Variants in GUCY1B1 observed in about 807,000 individuals in gnomAD.
GUCY1B1 encodes guanylate cyclase 1 soluble subunit beta 1, also known as guanylate cyclase soluble subunit beta-1.
GUCY1B1 carries 43 observed loss-of-function variants against 71.0 expected under a neutral mutation model. The ratio of observed to expected loss-of-function variants is 0.61; its 90% CI spans 0.47 to 0.78. GUCY1B1 has a LOEUF of 0.78. Ranked by LOEUF, GUCY1B1 falls within the 30% of genes least tolerant of loss-of-function variation. The probability of loss-of-function intolerance (pLI) is 0.00; values close to 1 mark genes in which losing one functional copy is unlikely to be tolerated. For synonymous variants in GUCY1B1, 266 were observed against 259.7 expected (o/e 1.02, Z -0.23); for missense variants, 535 against 754.1 (o/e 0.71, Z 3.40).
Position 155,794,082 on chromosome 4 carries a change from C to T in GUCY1B1, c.722C>T (p.Pro241Leu), listed in dbSNP as rs1192327186. The change falls in exon 6 of 14, where the codon CCC (proline) becomes CTC (leucine). Residue 241 changes from proline (P) to leucine (L), a missense_variant. Transcript: ENST00000264424. ...GGCAATGCTATATACAGAGTTCTCC[C>T]CCAGGTAAAATGACAGCATACTTCC... ...QCGNAIYRVL[P>L]QLQPGNCSLL... The T allele has an allele frequency of 9.6e-6, 15 of 1,564,800 alleles. No homozygotes were observed. In the Admixed American group the frequency reaches 2.2e-4, roughly 23 times the overall value.
At chr4:155,777,074 C>T (rs372028601) in intron 3 of GUCY1B1, among the ~76,000 whole-genome samples, 5 of 152,158 alleles carry the variant, frequency 3.3e-5, no homozygotes, top group East Asian at 1.9e-4. Flanking sequence ...TCATGTACAC[C>T]TTATAGACAT....
At chr4:155,800,886 G>T (rs550258327) in intron 9 of GUCY1B1, among the ~76,000 whole-genome samples, 2 of 152,022 alleles carry the variant, frequency 1.3e-5, no homozygotes, top group Non-Finnish European at 2.9e-5. Flanking sequence ...AAGTCACATG[G>T]GTTTGTAGGT....
chr4:155,772,715 C>T, intron 2 of GUCY1B1: 1 of 702,478 alleles, frequency 1.4e-6, no homozygotes, highest in Non-Finnish European at 2.6e-6. Context: ...CCAACCTGCC[C>T]AGCCAGAAAA....
At position 155,805,207 on chromosome 4, in the gene GUCY1B1, C is replaced by A; in HGVS notation, c.1814C>A (p.Ser605Tyr). The A allele has an allele frequency of 6.2e-7, 1 of 1,610,062 alleles. No homozygotes were observed. Among genetic ancestry groups the A allele is most frequent in the Non-Finnish European group, 8.5e-7 (1 of 1,177,666 alleles). ...KKEPMQVWFL[S>Y]RKNTGTEETK... ...GAACCAATGCAAGTTTGGTTTCTAT[C>A]CAGAAAAAATACAGGAACAGAGGTA... Residue 605 changes from serine to tyrosine, a missense_variant, in exon 13 of 14, where the codon TCC becomes TAC. Ser to Tyr is a moderately radical substitution (Grantham distance 144). Transcript: ENST00000264424.
intron 5 of GUCY1B1, 43 bp from the exon 6 acceptor site, chr4:155,793,813 T>A (rs1358832894): frequency 1.2e-6 from 1 of 854,322 alleles, no homozygotes; most frequent in Admixed American, 2.0e-5. Flanking sequence ...TTTATTAAAC[T>A]GAAATGAAGA....
chr4:155,766,967 G>A (rs1737376894), intron 2 of GUCY1B1, among the ~76,000 whole-genome samples: 1 of 152,124 alleles, frequency 6.6e-6, no homozygotes, highest in Admixed American at 6.6e-5. Context: ...CATTATCTCA[G>A]TTAATCCTCA....
intron 4 of GUCY1B1, among the ~76,000 whole-genome samples, chr4:155,789,454 C>A (rs1739010956): frequency 6.6e-6 from 1 of 152,108 alleles, no homozygotes; most frequent in Non-Finnish European, 1.5e-5. Flanking sequence ...CCTTTTTAAT[C>A]CCACTTGTTT....
intron 2 of GUCY1B1, among the ~76,000 whole-genome samples, chr4:155,761,696 ACT>A (rs1465815216): frequency 6.6e-6 from 1 of 152,218 alleles, no homozygotes; most frequent in Non-Finnish European, 1.5e-5. Context: ...CGAGAATTTA[ACT>A]CTGCAAAATC....
chr4:155,764,856 T>C (rs1385852418), intron 2 of GUCY1B1, among the ~76,000 whole-genome samples: 1 of 152,208 alleles, frequency 6.6e-6, no homozygotes, highest in Non-Finnish European at 1.5e-5. Flanking sequence ...CTGGACCATG[T>C]CTGTGAGCAG....
At position 155,807,392 on chromosome 4, in the gene GUCY1B1, A is replaced by C. The variant is rs1308665533; in HGVS notation, c.*983A>C. 1 of 152,172 alleles carries C rather than the reference A, an allele frequency of 6.6e-6. No individual in the cohort carries two copies. Among genetic ancestry groups the C allele is most frequent in the Non-Finnish European group, 1.5e-5 (1 of 68,020 alleles). The allele number at this position is 152,172 out of a possible 1,614,324, so 9.4% of individuals were successfully genotyped here. ...GTTTACTTTCAGCATAGAATGCATT[A>C]CTGTTGGAATAATTGGCCTCTAGCT... On this transcript the variant is annotated 3_prime_UTR_variant, in exon 14 of 14. Transcript: ENST00000264424.
chr4:155,767,153 A>T lies in GUCY1B1; in HGVS notation c.77+7293A>T, dbSNP rs111469955. 8.9e-3 allele frequency among the ~76,000 whole-genome samples: 1,349 copies of T among 152,276 alleles called. 23 individuals carry two copies. The highest frequency in any genetic ancestry group is 0.031 in the African/African-American group (1,290 of 41,556). ...TTTTCCTCCAAAGAGAAAGACCTAT[A>T]ACCTTCTTCTTTCCAAAGACAACCA... On this transcript the variant is annotated intron_variant, in intron 2 of 13. Coordinates refer to ENST00000264424, the MANE Select transcript of GUCY1B1 (RefSeq NM_000857.5).
At chr4:155,783,513 C>T (rs1738572302) in intron 4 of GUCY1B1, among the ~76,000 whole-genome samples, 1 of 152,226 alleles carries the variant, frequency 6.6e-6, no homozygotes, top group Non-Finnish European at 1.5e-5. Context: ...GCTTCTTCAA[C>T]TAACCTTGAT....
chr4:155,802,575 A>G lies in GUCY1B1; in HGVS notation c.1409A>G (p.Tyr470Cys). 1 of 1,588,832 alleles carries G rather than the reference A, an allele frequency of 6.3e-7. No homozygotes were observed. Among genetic ancestry groups the G allele is most frequent in the Non-Finnish European group, 8.6e-7 (1 of 1,168,006 alleles). The change falls in exon 10 of 14, where the codon TAT (tyrosine) becomes TGT (cysteine). Residue 470 changes from tyrosine to cysteine, a missense_variant. Coordinates refer to ENST00000264424, the MANE Select transcript of GUCY1B1 (RefSeq NM_000857.5). This position sits in a 1 kb window ranked among gnomAD's most constrained non-coding sequence, Gnocchi z 4.3. ...LTDSRKNPFVYKVETVGDKYM... is the reference protein window; with the variant it reads ...LTDSRKNPFVCKVETVGDKYM... ...GATTCCCGGAAAAACCCATTTGTTT[A>G]TAAGGCAAGTGTTCTTTATCGCTGA... is the stretch of plus-strand genomic sequence containing the variant.
At chr4:155,774,206 C>T (rs187397719) in intron 2 of GUCY1B1, among the ~76,000 whole-genome samples, 4 of 152,312 alleles carry the variant, frequency 2.6e-5, no homozygotes, top group Admixed American at 2.0e-4. Flanking sequence ...ACTGTAGCCT[C>T]ATGTTACCTC....
At chr4:155,797,946 T>G (rs1196993881) in intron 8 of GUCY1B1, among the ~76,000 whole-genome samples, 1 of 152,110 alleles carries the variant, frequency 6.6e-6, no homozygotes, top group Non-Finnish European at 1.5e-5. Context: ...TAAGCTACAT[T>G]GATCTAAAGA....
chr4:155,773,938 C>T (rs1737861588), intron 2 of GUCY1B1, among the ~76,000 whole-genome samples: 1 of 152,104 alleles, frequency 6.6e-6, no homozygotes, highest in Non-Finnish European at 1.5e-5. Context: ...CTGTCAGTCC[C>T]CGCCTCCCAA....
intron 2 of GUCY1B1, among the ~76,000 whole-genome samples, chr4:155,761,348 C>CTATATA (rs113451558): frequency 6.6e-6 from 1 of 150,594 alleles, no homozygotes. Context: ...TTTATAAATG[C>CTATATA]TATATATATA....
intron 4 of GUCY1B1, among the ~76,000 whole-genome samples, chr4:155,778,734 A>G (rs1283932245): frequency 2.0e-5 from 3 of 152,198 alleles, no homozygotes; most frequent in Non-Finnish European, 4.4e-5. Context: ...AGAGATATTT[A>G]AATAAAATTG....
chr4:155,779,908 C>G (rs376473656), intron 4 of GUCY1B1, among the ~76,000 whole-genome samples: 13 of 152,278 alleles, frequency 8.5e-5, no homozygotes, highest in Admixed American at 2.0e-4. Context: ...TTTAATCAGT[C>G]ACAGCATCTT....
Sources: gnomAD v4.1 joint callset for allele counts (sites outside exome capture counted in the v4.1 genomes callset) on GRCh38, gnomAD v4.1.1 for gene constraint, Gnocchi (gnomAD v3.1) non-coding constraint, MANE v1.5 for transcripts, NCBI Gene and HGNC (gene_info 2026-07-23, HGNC 2026-07-21) for gene names.